The following LCP2 variants were observed in gnomAD, a reference collection of about 807,000 sequenced individuals.
LCP2 encodes lymphocyte cytosolic protein 2, also known as 76 kDa tyrosine phosphoprotein.
Under a neutral mutation model 74.5 loss-of-function variants are expected in LCP2, and 29 were observed. The ratio of observed to expected loss-of-function variants is 0.39; its 90% CI spans 0.29 to 0.53. LCP2 has a LOEUF of 0.53. LCP2 is among the 20% of genes least tolerant of loss of function. The probability of loss-of-function intolerance (pLI) is 0.72; values close to 1 mark genes in which losing one functional copy is unlikely to be tolerated. For missense variants in LCP2, 604 were observed against 634.6 expected (o/e 0.95, Z 0.52); for synonymous variants, 228 against 229.5 (o/e 0.99, Z 0.06).
At position 170,258,020 on chromosome 5, in the gene LCP2, A is replaced by G. The variant is rs1334913407; in HGVS notation, c.1100+17T>C. 1.2e-6 allele frequency: 2 copies of G among 1,613,150 alleles called. No individual in the cohort carries two copies. The highest frequency in any genetic ancestry group is 1.7e-5 in the Admixed American group (1 of 60,024). Reference sequence around the variant, plus strand: ...AAACATTATATTAAGCTAGAATTTCATGACAGAGCTACAAACCTTTCTGAG... The same window carrying G: ...AAACATTATATTAAGCTAGAATTTCGTGACAGAGCTACAAACCTTTCTGAG... On this transcript the variant is annotated intron_variant, in intron 16 of 20. Transcript: ENST00000046794.
chr5:170,281,583 C>G (rs1467974554), intron 3 of LCP2, among the ~76,000 whole-genome samples: 1 of 152,232 alleles, frequency 6.6e-6, no homozygotes, highest in African/African-American at 2.4e-5. Context: ...CATTCTTTAA[C>G]AGGCATGAGA....
chr5:170,289,695 T>TCTCTCTC (rs1762253709), intron 2 of LCP2, among the ~76,000 whole-genome samples: 2 of 142,730 alleles, frequency 1.4e-5, no homozygotes, highest in Non-Finnish European at 3.1e-5. Context: ...CTTTCTTTCT[T>TCTCTCTC]TCTTTCCTTC....
At chr5:170,285,331 G>A (rs1275224304) in intron 3 of LCP2, among the ~76,000 whole-genome samples, 1 of 152,100 alleles carries the variant, frequency 6.6e-6, no homozygotes, top group African/African-American at 2.4e-5. Context: ...TAATCTCTGT[G>A]TCAGTTATGG....
Position 170,253,138 on chromosome 5 carries a change from G to C in LCP2, c.1226C>G (p.Pro409Arg), listed in dbSNP as rs775136634. The C allele has an allele frequency of 9.3e-6, 15 of 1,610,328 alleles. No individual in the cohort carries two copies. The East Asian group carries it at 3.1e-4, about 34-fold the overall frequency. The change falls in exon 18 of 21, where the codon CCA becomes CGA. Residue 409 changes from proline (P) to arginine (R), a missense_variant. Coordinates refer to ENST00000046794, the MANE Select transcript of LCP2 (RefSeq NM_005565.5). ...PLPLPNKPRP[P>R]SPAEEENSLN... Reference sequence around the variant, plus strand: ...TCTTACCTCTTCCTCCGCGGGGGATGGGGGCCGAGGTTTGTTTGGAAGTGG... The same window carrying C: ...TCTTACCTCTTCCTCCGCGGGGGATCGGGGCCGAGGTTTGTTTGGAAGTGG...
At chr5:170,273,341 TG>T (rs1422225269) in intron 6 of LCP2, among the ~76,000 whole-genome samples, 2 of 152,226 alleles carry the variant, frequency 1.3e-5, no homozygotes, top group African/African-American at 4.8e-5. Flanking sequence ...ATTTTCCCTT[TG>T]TACCAGAGAA....
chr5:170,293,505 G>A (rs1198460903), intron 1 of LCP2, 133 bp from the exon 2 acceptor site: 1 of 790,580 alleles, frequency 1.3e-6, no homozygotes, highest in African/African-American at 1.7e-5. Context: ...CCCTCCCTTG[G>A]CTAACAGAGG....
chr5:170,270,686 C>T (rs1398727324), intron 7 of LCP2, 33 bp downstream of exon 7: 2 of 1,529,166 alleles, frequency 1.3e-6, no homozygotes, highest in African/African-American at 2.8e-5. Flanking sequence ...CTTTGGGCTG[C>T]TCGGGCCAGA....
At chr5:170,263,133 GA>G (rs1761692738) in intron 10 of LCP2, 141 bp from the exon 11 acceptor site, 1 of 977,386 alleles carries the variant, frequency 1.0e-6, no homozygotes, top group East Asian at 2.6e-5. Context: ...AGAAACTTCA[GA>G]CTAGGAAGGG....
At position 170,253,225 on chromosome 5, in the gene LCP2, T is replaced by C; in HGVS notation, c.1151-12A>G. On this transcript the variant is annotated splice_polypyrimidine_tract_variant and intron_variant, in intron 17 of 20. Coordinates refer to ENST00000046794, the MANE Select transcript of LCP2 (RefSeq NM_005565.5). ...TCTGTTGCTAGGGCCTTCAAAAGTA[T>C]AGAATTCTGACAGTTAATTTACTGT... 6.4e-7 allele frequency: 1 copy of C among 1,555,606 alleles called. No individual in the cohort carries two copies. Among genetic ancestry groups the C allele is most frequent in the South Asian group, 1.2e-5 (1 of 86,274 alleles).
At chr5:170,292,936 G>T (rs1487109006) in intron 2 of LCP2, among the ~76,000 whole-genome samples, 1 of 152,182 alleles carries the variant, frequency 6.6e-6, no homozygotes, top group Admixed American at 6.5e-5. Context: ...AACAATGAGG[G>T]TGATGCCATC....
chr5:170,252,510 T>C lies in LCP2; in HGVS notation c.1247A>G (p.Asn416Ser), dbSNP rs1241762621. The change falls in exon 19 of 21, where the codon AAT becomes AGT. Residue 416 changes from asparagine (N) to serine (S), a missense_variant and splice_region_variant. Transcript: ENST00000046794. ...PRPPSPAEEE[N>S]SLNEEWYVSY... Reference sequence around the variant, plus strand: ...AACGTACCACTCTTCATTTAATGAATTCTGAAAATGTAAATTTTTAGAAAC... The same window carrying C: ...AACGTACCACTCTTCATTTAATGAACTCTGAAAATGTAAATTTTTAGAAAC... 6.6e-7 allele frequency: 1 copy of C among 1,517,458 alleles called. No homozygotes were observed. Among genetic ancestry groups the C allele is most frequent in the South Asian group, 1.2e-5 (1 of 85,292 alleles). The allele number at this position is 1,517,458 out of a possible 1,614,324, so 94.0% of individuals were successfully genotyped here.
chr5:170,268,382 T>C lies in LCP2; in HGVS notation c.621+3A>G. 4 of 653,792 alleles carry C rather than the reference T, an allele frequency of 6.1e-6. No individual in the cohort carries two copies. Among genetic ancestry groups the C allele is most frequent in the Non-Finnish European group, 6.0e-6 (3 of 497,794 alleles). 40.5% of individuals were successfully genotyped at this position (653,792 alleles called of 1,614,324 possible). On this transcript the variant is annotated splice_donor_region_variant and intron_variant, in intron 8 of 20. Transcript: ENST00000046794. ...TACTGTAAAAGAACGGGAGGAGGCC[T>C]ACCGAGTGATTCCGGCCGGCTGGTG...
intron 14 of LCP2, 104 bp downstream of exon 14, chr5:170,261,003 C>T (rs1761639325): frequency 2.4e-6 from 2 of 825,020 alleles, no homozygotes; most frequent in African/African-American, 1.7e-5. Context: ...AGGACCTGCT[C>T]CAGGTTCTGG....
At chr5:170,286,934 A>C (rs759462289) in intron 3 of LCP2, among the ~76,000 whole-genome samples, 1 of 152,242 alleles carries the variant, frequency 6.6e-6, no homozygotes, top group Non-Finnish European at 1.5e-5. Context: ...GACTATATGT[A>C]GCCCTTAGGT....
At chr5:170,262,263 C>A (rs1028386031) in intron 13 of LCP2, among the ~76,000 whole-genome samples, 4 of 152,154 alleles carry the variant, frequency 2.6e-5, no homozygotes, top group African/African-American at 9.7e-5. Flanking sequence ...CTCCCCCAAC[C>A]ATTTCCTGTC....
At chr5:170,280,667 C>A (rs1762084680) in intron 3 of LCP2, among the ~76,000 whole-genome samples, 1 of 152,198 alleles carries the variant, frequency 6.6e-6, no homozygotes, top group Non-Finnish European at 1.5e-5. Flanking sequence ...GCCTCACGAT[C>A]ATTTTCCTGG....
chr5:170,290,972 G>GAAAGA (rs1762281343), intron 2 of LCP2, among the ~76,000 whole-genome samples: 4 of 37,204 alleles, frequency 1.1e-4, no homozygotes, highest in African/African-American at 3.9e-4. Flanking sequence ...AAGAAAGAAA[G>GAAAGA]AAAGAAAGAA....
intron 6 of LCP2, chr5:170,273,919 A>AGGGGGG (rs1761938611): frequency 5.7e-6 from 1 of 174,738 alleles, no homozygotes; most frequent in African/African-American, 3.1e-5. Context: ...ATTTTTGGAG[A>AGGGGGG]CGGGGGGGTA....
intron 7 of LCP2, among the ~76,000 whole-genome samples, chr5:170,269,862 G>C (rs1368803156): frequency 6.6e-6 from 1 of 152,156 alleles, no homozygotes; most frequent in African/African-American, 2.4e-5. Context: ...CCCTGTATAT[G>C]AAACAGACTT....
Sources: allele counts gnomAD v4.1 joint callset (sites outside exome capture counted in the v4.1 genomes callset), GRCh38; gene constraint gnomAD v4.1.1; transcripts MANE v1.5; gene names NCBI Gene and HGNC (gene_info 2026-07-23, HGNC 2026-07-21).